The following TRO variants were observed in gnomAD, a reference collection of about 807,000 sequenced individuals.
The protein encoded by TRO is MAGE superfamily protein.
In TRO, 29 loss-of-function variants were observed where a neutral mutation model predicts 42.3. The observed-to-expected ratio is 0.68, with a 90% CI of 0.51 to 0.93. The LOEUF (loss-of-function observed/expected upper bound fraction) is 0.93. TRO is among the 40% of genes least tolerant of loss of function. TRO has a pLI of 0.00. For synonymous variants in TRO, 384 were observed against 425.2 expected (o/e 0.90, Z 1.19); for missense variants, 963 against 1,127.7 (o/e 0.85, Z 2.09).
chrX:54,921,371 A>T (rs770711785), intron 1 of TRO: 1 of 110,949 alleles, frequency 9.0e-6, no homozygotes, highest in East Asian at 2.9e-4. Context: ...AAAGGAGGGG[A>T]TATGACCCGG....
At chrX:54,921,969 G>A in intron 1 of TRO, 3 of 309,394 alleles carry the variant, frequency 9.7e-6, no homozygotes, top group Non-Finnish European at 1.7e-5. Context: ...CCTCTAGTCG[G>A]TGCGCATGCG....
Position 54,922,972 on chromosome X carries a change from C to T in TRO, c.440C>T (p.Ala147Val), listed in dbSNP as rs368927855. Residue 147 changes from alanine to valine, a missense_variant, in exon 3 of 13, where the codon GCC (alanine) becomes GTC (valine). Ala to Val is a moderately conservative substitution (Grantham distance 64). Around this residue, in one of 2 missense-constraint regions of TRO, gnomAD observed 322 missense variants for 316.5 expected, o/e 1.02. Coordinates refer to ENST00000173898, the MANE Select transcript of TRO (RefSeq NM_001039705.3). ...KKANKMKRVT[A>V]KAAQGSQSPT... The stretch of plus-strand genomic sequence containing the variant: ...GCCAACAAGATGAAGAGAGTTACTG[C>T]CAAGGCAGCCCAAGGCTCCCAATCC... 5.8e-6 allele frequency: 7 copies of T among 1,210,424 alleles called. No homozygotes were observed. The African/African-American group carries it at 8.7e-5, about 15-fold the overall frequency.
Position 54,929,548 on chromosome X carries a change from T to G in TRO, c.2824T>G (p.Ser942Ala). 1 of 1,211,319 alleles carries G rather than the reference T, an allele frequency of 8.3e-7. No individual in the cohort carries two copies. Among genetic ancestry groups the G allele is most frequent in the Admixed American group, 2.2e-5 (1 of 46,070 alleles). The stretch of plus-strand genomic sequence containing the variant: ...TAGCACCAGTGTCTCCTTTGGTGGC[T>G]CTTCCAGCACCAGTGCCAATTTTGG... ...TLSTSVSFGGSSSTSANFGGT... is the reference protein window; with the variant it reads ...TLSTSVSFGGASSTSANFGGT... The change falls in exon 12 of 13, where the codon TCT (serine) becomes GCT (alanine). Residue 942 changes from serine to alanine, a missense_variant. Ser to Ala is a moderately conservative substitution (Grantham distance 99). Coordinates refer to ENST00000173898, the MANE Select transcript of TRO (RefSeq NM_001039705.3).
At position 54,923,070 on chromosome X, in the gene TRO, C is replaced by T; in HGVS notation, c.538C>T (p.Gln180Ter). The change falls in exon 3 of 13, where the codon CAG becomes TAG. Residue 180 changes from glutamine to a stop codon, truncating the protein, a stop_gained. Transcript: ENST00000173898. LOFTEE classifies it high-confidence loss of function. ...GGTCCTAAAGCTACCAGTCATCTCA[C>T]AGAATATTCACGCTCCAATTGCCAA... ...LQVLKLPVIS[Q>*]NIHAPIANES... is the part of the protein sequence containing the mutation. 1 of 1,212,070 alleles carries T rather than the reference C, an allele frequency of 8.3e-7. No individual in the cohort carries two copies. Among genetic ancestry groups the T allele is most frequent in the Non-Finnish European group, 1.1e-6 (1 of 895,639 alleles).
At chrX:54,925,262 C>CT (rs1932611431) in intron 6 of TRO, among the ~76,000 whole-genome samples, 194 bp downstream of exon 6, 2 of 111,591 alleles carry the variant, frequency 1.8e-5, no homozygotes, top group South Asian at 7.6e-4. Flanking sequence ...GAAAACATGG[C>CT]TAGGACAGAA....
In TRO at chrX:54,928,648, G is replaced by GCAGTGGAGAT. The variant is rs1192598454; in HGVS notation, c.1925_1934dup (p.Met645IlefsTer15). 1 of 1,193,525 alleles carries GCAGTGGAGAT rather than the reference G, an allele frequency of 8.4e-7. No individual in the cohort carries two copies. Among genetic ancestry groups the GCAGTGGAGAT allele is most frequent in the African/African-American group, 1.7e-5 (1 of 57,418 alleles). On this transcript the variant is annotated frameshift_variant, in exon 12 of 13. Transcript: ENST00000173898. LOFTEE classifies it high-confidence loss of function. Reference sequence around the variant, plus strand: ...GGACTGGGCTGTGCAGTACCGCGAGGCAGTGGAGATGGAAGTCCAAGCTGC... The same window carrying GCAGTGGAGAT: ...GGACTGGGCTGTGCAGTACCGCGAGGCAGTGGAGATCAGTGGAGATGGAAGTCCAAGCTGC...
chrX:54,926,851 A>G, intron 9 of TRO, 192 bp from the exon 10 acceptor site: 1 of 617,167 alleles, frequency 1.6e-6, no homozygotes, highest in South Asian at 3.0e-5. Context: ...TGTTAGATAG[A>G]CCTTCAGGGA....
rs756917481 is a variant in TRO at position 54,929,633 on chromosome X, G to A, written c.2909G>A (p.Gly970Asp). ...DGSPSTGAGF[G>D]GALNTSASFG... The stretch of plus-strand genomic sequence containing the variant: ...TCTCCCAGCACTGGTGCTGGCTTTG[G>A]TGGTGCTCTCAACACCAGTGCCAGC... Residue 970 changes from glycine (G) to aspartate (D), a missense_variant, in exon 12 of 13, where the codon GGT (glycine) becomes GAT (aspartate). Coordinates refer to ENST00000173898, the MANE Select transcript of TRO (RefSeq NM_001039705.3). 17 of 1,211,832 alleles carry A rather than the reference G, an allele frequency of 1.4e-5. No individual in the cohort carries two copies. Among genetic ancestry groups the A allele is most frequent in the African/African-American group, 1.7e-5 (1 of 57,881 alleles).
rs368799977 is a variant in TRO at position 54,928,645 on chromosome X, G to A, written c.1921G>A (p.Glu641Lys). ...CAAGGACTGGGCTGTGCAGTACCGC[G>A]AGGCAGTGGAGATGGAAGTCCAAGC... ...DPKDWAVQYR[E>K]AVEMEVQAAA... Residue 641 changes from glutamate to lysine, a missense_variant, in exon 12 of 13, where the codon GAG becomes AAG. This residue lies in a region of TRO where 641 missense variants were observed against 811.3 expected (regional missense o/e 0.79). Transcript: ENST00000173898. 8.4e-7 allele frequency: 1 copy of A among 1,190,441 alleles called. No homozygotes were observed. The highest frequency in any genetic ancestry group is 1.1e-6 in the Non-Finnish European group (1 of 885,283).
chrX:54,931,011 G>T lies in TRO; in HGVS notation c.4287G>T (p.Ser1429=). The stretch of plus-strand genomic sequence containing the variant: ...CCAGTCTTGGTGCCTGTGGCTTCTC[G>T]TATGGCTAGTGAGGTTTCAGGTAAC... ...GAASLGACGF[S]YG The change falls in exon 12 of 13, where the codon TCG becomes TCT. Residue 1429 remains serine, a synonymous_variant. Transcript: ENST00000173898. The T allele has an allele frequency of 8.4e-7, 1 of 1,188,664 alleles. No homozygotes were observed. The highest frequency in any genetic ancestry group is 1.1e-6 in the Non-Finnish European group (1 of 881,978).
At chrX:54,923,984 T>C (rs777402345) in intron 3 of TRO, 2 of 426,779 alleles carry the variant, frequency 4.7e-6, no homozygotes, top group Non-Finnish European at 8.0e-6. Context: ...AGCTACAACC[T>C]GTATGTAATA....
rs778268761 is a variant in TRO, at chrX:54,930,998, C to T, written c.4274C>T (p.Ala1425Val). 1.6e-5 allele frequency: 19 copies of T among 1,193,487 alleles called. No individual in the cohort carries two copies. The highest frequency in any genetic ancestry group is 2.0e-5 in the Non-Finnish European group (18 of 884,521). The change falls in exon 12 of 13, where the codon GCC (alanine) becomes GTC (valine). Residue 1425 changes from alanine (A) to valine (V), a missense_variant. Physicochemically the swap from Ala to Val is moderately conservative, Grantham distance 64. Around this residue, in one of 2 missense-constraint regions of TRO, gnomAD observed 641 missense variants for 811.3 expected, o/e 0.79. Coordinates refer to ENST00000173898, the MANE Select transcript of TRO (RefSeq NM_001039705.3). Reference protein sequence around the residue: ...GFGSGAASLGACGFSYG With the variant: ...GFGSGAASLGVCGFSYG The stretch of plus-strand genomic sequence containing the variant: ...GGCAGTGGAGCCGCCAGTCTTGGTG[C>T]CTGTGGCTTCTCGTATGGCTAGTGA...
In TRO at chrX:54,931,383, T is replaced by C; in HGVS notation, c.*191T>C. ...TTCCTGCTTTATTGTTTGCTTTCTGTGTGCTGTCATATTTTGGTATCAGAG... is the reference window on the plus strand; with the variant it reads ...TTCCTGCTTTATTGTTTGCTTTCTGCGTGCTGTCATATTTTGGTATCAGAG... On this transcript the variant is annotated 3_prime_UTR_variant, in exon 13 of 13. Coordinates refer to ENST00000173898, the MANE Select transcript of TRO (RefSeq NM_001039705.3). 1 of 1,166,486 alleles carries C rather than the reference T, an allele frequency of 8.6e-7. No individual in the cohort carries two copies. Among genetic ancestry groups the C allele is most frequent in the Non-Finnish European group, 1.2e-6 (1 of 858,378 alleles).
At position 54,931,271 on chromosome X, in the gene TRO, A is replaced by G; in HGVS notation, c.*79A>G. ...AGTCCTTCCCATGGAGCCAAAGTAC[A>G]TCCTTGGAATCTTTGTCCACACAGC... On this transcript the variant is annotated 3_prime_UTR_variant, in exon 13 of 13. Coordinates refer to ENST00000173898, the MANE Select transcript of TRO (RefSeq NM_001039705.3). 2 of 1,211,851 alleles carry G rather than the reference A, an allele frequency of 1.7e-6. No individual in the cohort carries two copies.
chrX:54,922,137 C>CT lies in TRO; in HGVS notation c.-44-65dup, dbSNP rs774239258. The CT allele has an allele frequency of 1.0e-5, 9 of 882,404 alleles. No homozygotes were observed. In the East Asian group the frequency reaches 2.1e-4, roughly 20 times the overall value. The allele number at this position is 882,404 out of a possible 1,213,427, so 72.7% of individuals were successfully genotyped here. A position where few individuals can be genotyped will look rare whatever the true frequency, so the allele number is the denominator to read the frequency against. On this transcript the variant is annotated intron_variant, in intron 1 of 12. Transcript: ENST00000173898. ...GATTAGGGCCCAAGGTTACATGAGACTCCCCTAAGTCAGGATAGGTGAGAT... is the reference window on the plus strand; with the variant it reads ...GATTAGGGCCCAAGGTTACATGAGACTTCCCCTAAGTCAGGATAGGTGAGAT...
At position 54,926,494 on chromosome X, in the gene TRO, G is replaced by A; in HGVS notation, c.1657+5G>A. 4 of 1,212,116 alleles carry A rather than the reference G, an allele frequency of 3.3e-6. No individual in the cohort carries two copies. Among genetic ancestry groups the A allele is most frequent in the Non-Finnish European group, 4.5e-6 (4 of 895,590 alleles). ...ATGGCAACAAGGCCAGTGAGGGTGA[G>A]TGGCTGGGCATGCAGCTGAATGGGC... On this transcript the variant is annotated splice_donor_5th_base_variant and intron_variant, in intron 8 of 12. Transcript: ENST00000173898.
chrX:54,923,643 G>A lies in TRO; in HGVS notation c.1111G>A (p.Ala371Thr), dbSNP rs749871831. 7.4e-6 allele frequency: 9 copies of A among 1,209,205 alleles called. No individual in the cohort carries two copies. In the East Asian group the frequency reaches 2.7e-4, roughly 36 times the overall value. Residue 371 changes from alanine to threonine, a missense_variant, in exon 3 of 13, where the codon GCT (alanine) becomes ACT (threonine). This residue lies in a region of TRO where 322 missense variants were observed against 316.5 expected (regional missense o/e 1.02). Transcript: ENST00000173898. ...DQGAQAKIAS[A>T]QTNVSALETQ... ...AGGGGCCCAGGCCAAGATAGCCTCTGCTCAGACCAACGTAAGTGCCCTTGA... is the reference window on the plus strand; with the variant it reads ...AGGGGCCCAGGCCAAGATAGCCTCTACTCAGACCAACGTAAGTGCCCTTGA...
intron 3 of TRO, 103 bp downstream of exon 3, chrX:54,923,871 C>T (rs1932439286): frequency 4.6e-6 from 4 of 866,636 alleles, no homozygotes; most frequent in Non-Finnish European, 6.4e-6. Flanking sequence ...TGAGCTAGTC[C>T]CTGTGTTCAG....
chrX:54,922,847 G>A lies in TRO; in HGVS notation c.315G>A (p.Gln105=). ...IATNKPKITW[Q]ALNLPVITQI... is the part of the protein sequence containing the mutation. ...CCAACAAGCCCAAAATAACTTGGCA[G>A]GCTTTAAACCTGCCAGTCATTACCC... Residue 105 remains glutamine, a synonymous_variant, in exon 3 of 13, where the codon CAG becomes CAA. Coordinates refer to ENST00000173898, the MANE Select transcript of TRO (RefSeq NM_001039705.3). The A allele has an allele frequency of 2.5e-6, 3 of 1,210,826 alleles. No individual in the cohort carries two copies. The South Asian group carries it at 5.3e-5, about 21-fold the overall frequency.
Sources: allele counts gnomAD v4.1 joint callset (sites outside exome capture counted in the v4.1 genomes callset), GRCh38; gene constraint gnomAD v4.1.1; regional missense constraint gnomAD v4.1.1; transcripts MANE v1.5; gene names NCBI Gene and HGNC (gene_info 2026-07-23, HGNC 2026-07-21).